LRRCC1: variants seen among roughly 807,000 people sequenced by gnomAD.
LRRCC1 encodes the protein leucine-rich repeat and coiled-coil domain-containing protein 1.
A neutral mutation model predicts 126.0 loss-of-function variants in LRRCC1; 115 were observed. That is an observed-to-expected ratio of 0.91 (90% CI 0.78 to 1.07). The LOEUF is 1.07. LRRCC1 is among the 50% of genes least tolerant of loss of function. The pLI, the probability that LRRCC1 is intolerant of heterozygous loss-of-function variation, is 0.00. For synonymous variants in LRRCC1, 400 were observed against 393.4 expected (o/e 1.02, Z -0.20); for missense variants, 1,172 against 1,175.7 (o/e 1.00, Z 0.05).
chr8:85,117,680 G>A (rs1240302397), intron 6 of LRRCC1, among the ~76,000 whole-genome samples: 2 of 152,028 alleles, frequency 1.3e-5, no homozygotes, highest in South Asian at 2.1e-4. Context: ...ATTCTATTAT[G>A]AGCATTTTTA....
At chr8:85,128,620 C>T (rs1021573258) in intron 9 of LRRCC1, among the ~76,000 whole-genome samples, 6 of 152,136 alleles carry the variant, frequency 3.9e-5, no homozygotes, top group South Asian at 2.1e-4. Flanking sequence ...TCCTTGATGA[C>T]CAGATCTGTT....
intron 9 of LRRCC1, among the ~76,000 whole-genome samples, chr8:85,127,529 T>A (rs1810108333): frequency 6.6e-6 from 1 of 152,208 alleles, no homozygotes; most frequent in South Asian, 2.1e-4. Flanking sequence ...TAACACACTT[T>A]GGGAAGTTGC....
Position 85,123,606 on chromosome 8 carries a change from G to T in LRRCC1, c.1124G>T (p.Ser375Ile), listed in dbSNP as rs758892593. ...HHNKNYNSFVSCNRKMKPPYL... is the reference protein window; with the variant it reads ...HHNKNYNSFVICNRKMKPPYL... ...AATAAAAACTACAACTCTTTTGTAA[G>T]GTACTTGTTTTAGTTTTAGAAATTT... Residue 375 changes from serine to isoleucine, a missense_variant and splice_region_variant, in exon 7 of 19, where the codon AGT (serine) becomes ATT (isoleucine). Physicochemically the swap from Ser to Ile is moderately radical, Grantham distance 142 (BLOSUM62 -2). Transcript: ENST00000360375. The T allele has an allele frequency of 2.6e-6, 4 of 1,561,990 alleles. No homozygotes were observed. Among genetic ancestry groups the T allele is most frequent in the Non-Finnish European group, 3.4e-6 (4 of 1,161,244 alleles).
In LRRCC1 at chr8:85,138,227, A is replaced by G. The variant is rs1811010730; in HGVS notation, c.2686A>G (p.Ile896Val). The G allele has an allele frequency of 1.2e-6, 2 of 1,607,320 alleles. No homozygotes were observed. The highest frequency in any genetic ancestry group is 1.3e-5 in the African/African-American group (1 of 74,430). Residue 896 changes from isoleucine (I) to valine (V), a missense_variant, in exon 16 of 19, where the codon ATC (isoleucine) becomes GTC (valine). Physicochemically the swap from Ile to Val is conservative, Grantham distance 29. Coordinates refer to ENST00000360375, the MANE Select transcript of LRRCC1 (RefSeq NM_033402.5). Reference sequence around the variant, plus strand: ...AGGAAAGGAAGTAGAACTTGAAGAAATCAGAAAAGCTTACAGGTATTATAT... The same window carrying G: ...AGGAAAGGAAGTAGAACTTGAAGAAGTCAGAAAAGCTTACAGGTATTATAT... ...LKGKEVELEE[I>V]RKAYSTLNRK...
chr8:85,137,441 A>G (rs1230002065), intron 14 of LRRCC1, 23 bp from the exon 15 acceptor site: 1 of 1,520,182 alleles, frequency 6.6e-7, no homozygotes, highest in South Asian at 1.3e-5. Context: ...CAAAGTATGT[A>G]ATTGATGATT....
At chr8:85,126,960 T>G in intron 9 of LRRCC1, 123 bp downstream of exon 9, 1 of 825,432 alleles carries the variant, frequency 1.2e-6, no homozygotes. Flanking sequence ...TAGTTTGATT[T>G]GAACTAATTT....
intron 18 of LRRCC1, among the ~76,000 whole-genome samples, chr8:85,143,321 C>CA (rs752348400): frequency 6.1e-4 from 83 of 136,866 alleles, no homozygotes; most frequent in South Asian, 3.7e-3. Flanking sequence ...AACTCTGTCT[C>CA]AAAAAAAAAA....
At chr8:85,113,529 CA>C in intron 4 of LRRCC1, among the ~76,000 whole-genome samples, 1 of 152,132 alleles carries the variant, frequency 6.6e-6, no homozygotes, top group Admixed American at 6.5e-5. Context: ...CACACATACA[CA>C]AACATTTACG....
At chr8:85,123,780 C>T (rs1284665422) in intron 7 of LRRCC1, among the ~76,000 whole-genome samples, 174 bp downstream of exon 7, 1 of 152,168 alleles carries the variant, frequency 6.6e-6, no homozygotes, top group African/African-American at 2.4e-5. Flanking sequence ...ATAAAAGGAT[C>T]CTTTTCTCTG....
Position 85,134,958 on chromosome 8 carries a change from TGTATG to T in LRRCC1, c.2084_2088del (p.Met695LysfsTer12). 2 of 1,578,592 alleles carry T rather than the reference TGTATG, an allele frequency of 1.3e-6. No individual in the cohort carries two copies. The highest frequency in any genetic ancestry group is 1.7e-6 in the Non-Finnish European group (2 of 1,171,296). ...TTCCTCTTTAATTAAAGATCTGACC[TGTATG>T]GTAAAGGAACAAAAAACAAAACTGG... On this transcript the variant is annotated frameshift_variant, in exon 13 of 19. Transcript: ENST00000360375. LOFTEE classifies it high-confidence loss of function.
At chr8:85,120,503 T>G (rs1220008431) in intron 6 of LRRCC1, among the ~76,000 whole-genome samples, 1 of 152,250 alleles carries the variant, frequency 6.6e-6, no homozygotes, top group African/African-American at 2.4e-5. Context: ...GAAATGTTCC[T>G]CTTTATCTAA....
chr8:85,115,280 A>G lies in LRRCC1; in HGVS notation c.720+5A>G. 6.3e-7 allele frequency: 1 copy of G among 1,580,000 alleles called. No individual in the cohort carries two copies. Among genetic ancestry groups the G allele is most frequent in the Non-Finnish European group, 8.6e-7 (1 of 1,162,854 alleles). ...CTAAATATAAGTGAAGATGAGGTATAGTATTTACTTTTTTTTTCCTAATAT... is the reference window on the plus strand; with the variant it reads ...CTAAATATAAGTGAAGATGAGGTATGGTATTTACTTTTTTTTTCCTAATAT... On this transcript the variant is annotated splice_donor_5th_base_variant and intron_variant, in intron 5 of 18. Coordinates refer to ENST00000360375, the MANE Select transcript of LRRCC1 (RefSeq NM_033402.5).
At chr8:85,139,304 G>T (rs1416231545) in intron 17 of LRRCC1, among the ~76,000 whole-genome samples, 1 of 151,960 alleles carries the variant, frequency 6.6e-6, no homozygotes, top group African/African-American at 2.4e-5. Flanking sequence ...CATTCTTATT[G>T]CCCAGGCTGG....
rs745372497 is a variant in LRRCC1, at chr8:85,107,328, G to A, written c.33G>A (p.Glu11=). MEAAAAVVAA[E]AEVENEDGDS... ...CGGCGGCGGCGGTGGTGGCGGCAGA[G>A]GCGGAAGTGGAAAACGAAGACGGCG... Residue 11 remains glutamate, a synonymous_variant, in exon 1 of 19, where the codon GAG becomes GAA. Transcript: ENST00000360375. 1.9e-6 allele frequency: 3 copies of A among 1,613,600 alleles called. No homozygotes were observed. The highest frequency in any genetic ancestry group is 2.2e-5 in the South Asian group (2 of 91,044).
intron 18 of LRRCC1, 83 bp from the exon 19 acceptor site, chr8:85,145,305 AT>A: frequency 9.3e-7 from 1 of 1,072,936 alleles, no homozygotes; most frequent in Non-Finnish European, 1.3e-6. Flanking sequence ...GTAAGAATAA[AT>A]TTTGGACCTT....
chr8:85,132,375 C>CTTTTTTTTTTTTTTTTTTTTT (rs551423793), intron 12 of LRRCC1, among the ~76,000 whole-genome samples: 1 of 109,960 alleles, frequency 9.1e-6, no homozygotes, highest in Non-Finnish European at 1.8e-5. Context: ...TGAGTACTTT[C>CTTTTTTTTTTTTTTTTTTTTT]TTTTTTTTTT....
At chr8:85,113,966 G>A (rs143648905) in intron 4 of LRRCC1, among the ~76,000 whole-genome samples, 2,885 of 152,074 alleles carry the variant, frequency 0.019, 35 homozygotes, top group Non-Finnish European at 0.031. Context: ...TAGCTACAGA[G>A]GCTTCATTTT....
rs549101900 is a variant in LRRCC1 at position 85,129,915 on chromosome 8, T to C, written c.1627-4T>C. ...AATAATGTAATTGTGGGTATTTTAC[T>C]CAGATAAGACTGATCCAAGAGGTGG... On this transcript the variant is annotated splice_polypyrimidine_tract_variant and splice_region_variant and intron_variant, in intron 10 of 18. Coordinates refer to ENST00000360375, the MANE Select transcript of LRRCC1 (RefSeq NM_033402.5). 3 of 1,524,872 alleles carry C rather than the reference T, an allele frequency of 2.0e-6. No homozygotes were observed. The Admixed American group carries it at 7.3e-5, about 37-fold the overall frequency. 94.5% of individuals were successfully genotyped at this position (1,524,872 alleles called of 1,614,324 possible).
At chr8:85,136,049 T>C in intron 14 of LRRCC1, 86 bp downstream of exon 14, 1 of 1,108,552 alleles carries the variant, frequency 9.0e-7, no homozygotes. Flanking sequence ...GACTCAACTC[T>C]GCCTAAAGAT....
Sources: gnomAD v4.1 joint callset for allele counts (sites outside exome capture counted in the v4.1 genomes callset) on GRCh38, gnomAD v4.1.1 for gene constraint, MANE v1.5 for transcripts, NCBI Gene and HGNC (gene_info 2026-07-23, HGNC 2026-07-21) for gene names.